Variants in TTLL7 observed in about 807,000 individuals in gnomAD.
TTLL7 encodes the protein tubulin tyrosine ligase like 7.
TTLL7 carries 53 observed loss-of-function variants against 120.2 expected under a neutral mutation model. The ratio of observed to expected loss-of-function variants is 0.44; its 90% CI spans 0.35 to 0.55. The LOEUF (loss-of-function observed/expected upper bound fraction) is 0.55. Ranked by LOEUF, TTLL7 falls within the 20% of genes least tolerant of loss-of-function variation. The pLI is 0.00. For synonymous variants in TTLL7, 353 were observed against 351.7 expected, an observed-to-expected ratio of 1.00 and a Z score of -0.04; for missense variants, 803 against 1,054.7, an observed-to-expected ratio of 0.76 and a Z score of 3.31.
chr1:83,990,887 T>C (rs1334940875), intron 1 of TTLL7, among the ~76,000 whole-genome samples: 2 of 152,166 alleles, frequency 1.3e-5, no homozygotes, highest in African/African-American at 4.8e-5. Context: ...TGAAGAGGTA[T>C]TTGCATGCCC....
intron 14 of TTLL7, among the ~76,000 whole-genome samples, chr1:83,917,099 C>CAA (rs540546625): frequency 3.2e-3 from 263 of 81,280 alleles, no homozygotes; most frequent in Admixed American, 8.5e-3. Flanking sequence ...ACCCTGTTAT[C>CAA]AAAAAAAAAA....
rs1491517955 is a variant in TTLL7 at position 83,892,416 on chromosome 1, A to ATATATATG, written c.2209-1936_2209-1935insCATATATA. On this transcript the variant is annotated intron_variant, in intron 18 of 20. Coordinates refer to ENST00000260505, the MANE Select transcript of TTLL7 (RefSeq NM_024686.6). ...CGAATATATATGAACATATATATGA[A>ATATATATG]CATATATATGAACATATATATGAAC... Among the ~76,000 whole-genome samples the ATATATATG allele has an allele frequency of 1.2e-4, 13 of 105,142 alleles. No homozygotes were observed. In the South Asian group the frequency reaches 1.3e-3, roughly 11 times the overall value. The allele number at this position is 105,142 out of a possible 152,430, so 69.0% of individuals were successfully genotyped here.
chr1:83,939,970 T>A (rs183895916), intron 7 of TTLL7, among the ~76,000 whole-genome samples: 1 of 152,296 alleles, frequency 6.6e-6, no homozygotes, highest in East Asian at 1.9e-4. Flanking sequence ...CAGACACTTC[T>A]GTATTTCACT....
In TTLL7 at chr1:83,964,276, G is replaced by C. The variant is rs547833027; in HGVS notation, c.-176-11889C>G. Among the ~76,000 whole-genome samples, 9 of 152,180 alleles carry C rather than the reference G, an allele frequency of 5.9e-5. No individual in the cohort carries two copies. In the East Asian group the frequency reaches 1.7e-3, roughly 29 times the overall value. ...AAACCAGTCCTTTTATAGAAATGCA[G>C]AGGAAAAGAACTATTTTTGTCCTTC... On this transcript the variant is annotated intron_variant, in intron 1 of 20. Transcript: ENST00000260505.
At chr1:83,926,657 A>C (rs1659158639) in intron 10 of TTLL7, among the ~76,000 whole-genome samples, 1 of 152,188 alleles carries the variant, frequency 6.6e-6, no homozygotes, top group African/African-American at 2.4e-5. Flanking sequence ...AGTGAGGCTA[A>C]ATGTTCAATG....
At position 83,983,164 on chromosome 1, in the gene TTLL7, T is replaced by C. The variant is rs1652127925; in HGVS notation, c.-177+15767A>G. The stretch of plus-strand genomic sequence containing the variant: ...CTGGGCAACATGGTGAAACCCCATC[T>C]CTACTAAAAATACAAAACGTAACTG... On this transcript the variant is annotated intron_variant, in intron 1 of 20. Coordinates refer to ENST00000260505, the MANE Select transcript of TTLL7 (RefSeq NM_024686.6). 2.0e-5 allele frequency among the ~76,000 whole-genome samples: 3 copies of C among 152,136 alleles called. No homozygotes were observed. The South Asian group carries it at 6.2e-4, about 32-fold the overall frequency.
intron 20 of TTLL7, 70 bp from the exon 21 acceptor site, chr1:83,870,152 G>A (rs1319054724): frequency 1.4e-6 from 2 of 1,405,672 alleles, no homozygotes; most frequent in East Asian, 5.2e-5. Flanking sequence ...GGGTTATGTG[G>A]TTAGCAATTT....
chr1:83,952,033 A>T, intron 2 of TTLL7, 57 bp from the exon 3 acceptor site: 1 of 1,564,510 alleles, frequency 6.4e-7, no homozygotes, highest in Non-Finnish European at 8.7e-7. Flanking sequence ...TATACCAGAC[A>T]ACACAAATAC....
At chr1:83,887,974 A>C (rs541319789) in intron 19 of TTLL7, among the ~76,000 whole-genome samples, 1 of 152,182 alleles carries the variant, frequency 6.6e-6, no homozygotes, top group African/African-American at 2.4e-5. Context: ...ACTAATAGAT[A>C]CCACCAGAGA....
At chr1:83,980,415 C>T (rs1023165431) in intron 1 of TTLL7, 22 of 152,022 alleles carry the variant, frequency 1.4e-4, no homozygotes, top group Non-Finnish European at 2.2e-4. Context: ...CAGGCGCACA[C>T]CACCATGGGC....
chr1:83,947,081 ATTT>A (rs747440432), intron 6 of TTLL7, 40 bp downstream of exon 6: 2 of 1,498,282 alleles, frequency 1.3e-6, no homozygotes, highest in South Asian at 2.7e-5. Context: ...CCACTCCCAA[ATTT>A]TTTTTTATTT....
chr1:83,927,945 A>G (rs566770493), intron 10 of TTLL7, among the ~76,000 whole-genome samples: 188 of 152,298 alleles, frequency 1.2e-3, no homozygotes, highest in Non-Finnish European at 2.3e-3. Flanking sequence ...TCATTAGCAT[A>G]TGCTCTAAAT....
intron 9 of TTLL7, among the ~76,000 whole-genome samples, chr1:83,932,562 G>GGT (rs1553138339): frequency 1.3e-4 from 16 of 122,688 alleles, no homozygotes; most frequent in African/African-American, 3.6e-4. Flanking sequence ...ACCACACATA[G>GGT]GCGCGCGCAC....
At chr1:83,945,599 G>A (rs1036853628) in intron 6 of TTLL7, among the ~76,000 whole-genome samples, 1 of 152,100 alleles carries the variant, frequency 6.6e-6, no homozygotes, top group Non-Finnish European at 1.5e-5. Context: ...GATGAGAGAG[G>A]TGTTCTTTAC....
chr1:83,958,249 T>C (rs1472351145), intron 1 of TTLL7, among the ~76,000 whole-genome samples: 3 of 152,202 alleles, frequency 2.0e-5, no homozygotes, highest in Non-Finnish European at 4.4e-5. Context: ...AACAATGATA[T>C]TGAAAAACAA....
chr1:83,961,410 G>C (rs1307297543), intron 1 of TTLL7, among the ~76,000 whole-genome samples: 1 of 152,028 alleles, frequency 6.6e-6, no homozygotes, highest in Non-Finnish European at 1.5e-5. Flanking sequence ...TGTGTAATTA[G>C]AGCAACCACA....
At chr1:83,894,027 A>G (rs1005347163) in intron 18 of TTLL7, among the ~76,000 whole-genome samples, 1 of 152,170 alleles carries the variant, frequency 6.6e-6, no homozygotes, top group Non-Finnish European at 1.5e-5. Flanking sequence ...TTTAGTTTTT[A>G]CAATTTTAAT....
At chr1:83,995,631 G>A (rs1653408792) in intron 1 of TTLL7, among the ~76,000 whole-genome samples, 1 of 151,706 alleles carries the variant, frequency 6.6e-6, no homozygotes. Flanking sequence ...CCTAGTTTCA[G>A]GTATTTATTT....
chr1:83,960,967 G>A, intron 1 of TTLL7, among the ~76,000 whole-genome samples: 1 of 152,072 alleles, frequency 6.6e-6, no homozygotes, highest in East Asian at 1.9e-4. Context: ...GATCTGTCCT[G>A]TGTTCTAGAC....
Sources: gnomAD v4.1 joint callset for allele counts (sites outside exome capture counted in the v4.1 genomes callset) on GRCh38, gnomAD v4.1.1 for gene constraint, MANE v1.5 for transcripts, NCBI Gene and HGNC (gene_info 2026-07-23, HGNC 2026-07-21) for gene names.